Variants in RNF6 observed in about 807,000 individuals in gnomAD.
The protein encoded by RNF6 is ring finger protein 6.
A neutral mutation model predicts 50.1 loss-of-function variants in RNF6; 21 were observed. The ratio of observed to expected loss-of-function variants is 0.42; its 90% CI spans 0.30 to 0.60. The LOEUF (loss-of-function observed/expected upper bound fraction) is 0.60. Among genes scored for constraint, RNF6 ranks in the 20% least tolerant of loss-of-function variants. The pLI, the probability that RNF6 is intolerant of heterozygous loss-of-function variation, is 0.20. For missense variants in RNF6, 698 were observed against 838.2 expected (o/e 0.83, Z 2.07); for synonymous variants, 255 against 291.8 (o/e 0.87, Z 1.29).
chr13:26,153,360 T>C (rs1374368387), intron 5 of RNF6, among the ~76,000 whole-genome samples: 1 of 151,992 alleles, frequency 6.6e-6, no homozygotes, highest in African/African-American at 2.4e-5. Flanking sequence ...ATTACAGGCA[T>C]GCACCACCAC....
intron 5 of RNF6, among the ~76,000 whole-genome samples, chr13:26,198,965 G>A (rs1004242656): frequency 1.3e-5 from 2 of 151,890 alleles, no homozygotes; most frequent in African/African-American, 4.9e-5. Flanking sequence ...TCACTGCTTA[G>A]AGAAATTTAA....
At chr13:26,193,430 A>G (rs1447033118) in intron 5 of RNF6, among the ~76,000 whole-genome samples, 1 of 152,238 alleles carries the variant, frequency 6.6e-6, no homozygotes, top group Non-Finnish European at 1.5e-5. Flanking sequence ...TCATGATGGT[A>G]GGTCAATTAA....
rs763773171 is a variant in RNF6, at chr13:26,219,638, A to C, written c.12T>G (p.Ser4=). The change falls in exon 3 of 5, where the codon TCT becomes TCG. Residue 4 remains serine (S), a synonymous_variant. Transcript: ENST00000381588. ...CACTGCCACCATCTGATCTCGATCT[A>C]GACTGATTCATCCTGAGATTCCTGG... The part of the protein sequence containing the change: MNQ[S]RSRSDGGSEE... The C allele has an allele frequency of 7.4e-6, 12 of 1,613,096 alleles. No homozygotes were observed. The Admixed American group carries it at 1.8e-4, about 25-fold the overall frequency.
chr13:26,167,543 A>G (rs1178879247), intron 5 of RNF6, among the ~76,000 whole-genome samples: 3 of 152,234 alleles, frequency 2.0e-5, no homozygotes, highest in African/African-American at 7.2e-5. Context: ...TAAAAAGTCA[A>G]AAAATAGCAG....
chr13:26,173,784 C>G (rs978464753), intron 5 of RNF6, among the ~76,000 whole-genome samples: 10 of 151,780 alleles, frequency 6.6e-5, no homozygotes, highest in African/African-American at 2.4e-4. Context: ...AACCCCGGCT[C>G]TACTAAAAAT....
At chr13:26,151,290 T>C (rs967166432) in intron 5 of RNF6, among the ~76,000 whole-genome samples, 1 of 151,910 alleles carries the variant, frequency 6.6e-6, no homozygotes, top group Non-Finnish European at 1.5e-5. Flanking sequence ...TGAGACAGAA[T>C]TTCATTCCGT....
intron 5 of RNF6, among the ~76,000 whole-genome samples, chr13:26,136,778 G>T (rs1870666080): frequency 2.6e-5 from 4 of 152,106 alleles, no homozygotes; most frequent in Admixed American, 2.6e-4. Context: ...GGAGGCCAGT[G>T]ATATGATAAA....
chr13:26,186,574 A>G (rs1873544437), intron 5 of RNF6, among the ~76,000 whole-genome samples: 2 of 152,212 alleles, frequency 1.3e-5, no homozygotes, highest in African/African-American at 4.8e-5. Flanking sequence ...GCACACCGCC[A>G]GCGCGGACCC....
chr13:26,162,624 T>C (rs1243107700), intron 5 of RNF6, among the ~76,000 whole-genome samples: 2 of 152,246 alleles, frequency 1.3e-5, no homozygotes, highest in African/African-American at 4.8e-5. Context: ...GAGAATACTA[T>C]TTCCTATGAG....
chr13:26,143,167 A>G (rs565729417), intron 5 of RNF6, among the ~76,000 whole-genome samples: 5 of 152,288 alleles, frequency 3.3e-5, no homozygotes, highest in African/African-American at 1.2e-4. Flanking sequence ...TTCTTAAAGG[A>G]TCTGGGACAT....
chr13:26,135,960 G>C (rs943108804), intron 5 of RNF6, among the ~76,000 whole-genome samples: 3 of 152,086 alleles, frequency 2.0e-5, no homozygotes, highest in African/African-American at 7.2e-5. Context: ...AAGTTTCCAG[G>C]GGCCTTCACC....
At chr13:26,148,196 AACTC>A (rs1871352435) in intron 5 of RNF6, among the ~76,000 whole-genome samples, 1 of 152,120 alleles carries the variant, frequency 6.6e-6, no homozygotes, top group African/African-American at 2.4e-5. Context: ...CTCTCCTGAG[AACTC>A]ACTCACTATC....
downstream of RNF6, among the ~76,000 whole-genome samples, chr13:26,208,922 TAG>T (rs1869210225): frequency 6.6e-6 from 1 of 152,182 alleles, no homozygotes; most frequent in Non-Finnish European, 1.5e-5. Context: ...GGCTAAGAGT[TAG>T]AGTCATAGAA....
chr13:26,195,531 C>T (rs1238424414), intron 5 of RNF6, among the ~76,000 whole-genome samples: 1 of 152,136 alleles, frequency 6.6e-6, no homozygotes, highest in East Asian at 1.9e-4. Flanking sequence ...CAAACCACAG[C>T]TCCTGGAATC....
intron 4 of RNF6, 82 bp downstream of exon 4, chr13:26,218,429 A>T: frequency 9.4e-7 from 1 of 1,063,198 alleles, no homozygotes; most frequent in Non-Finnish European, 1.4e-6. Flanking sequence ...TTGAAGACAA[A>T]CATACTATAC....
At chr13:26,206,903 G>A (rs1303763916) in intron 5 of RNF6, among the ~76,000 whole-genome samples, 1 of 145,778 alleles carries the variant, frequency 6.9e-6, no homozygotes, top group Non-Finnish European at 1.5e-5. Flanking sequence ...CCCTTCATGG[G>A]CCCCTTCCTC....
chr13:26,198,545 A>T (rs1304503446), intron 5 of RNF6, among the ~76,000 whole-genome samples: 1 of 151,952 alleles, frequency 6.6e-6, no homozygotes, highest in Non-Finnish European at 1.5e-5. Flanking sequence ...TAGAGCTAAC[A>T]TACTTAATAG....
At chr13:26,218,730 G>T in intron 3 of RNF6, 124 bp from the exon 4 acceptor site, 2 of 650,552 alleles carry the variant, frequency 3.1e-6, no homozygotes, top group Non-Finnish European at 5.3e-6. Flanking sequence ...CATATGTTCT[G>T]TAAATTGAAG....
upstream of RNF6, chr13:26,222,548 A>G: frequency 6.6e-6 from 1 of 152,334 alleles, no homozygotes; most frequent in Non-Finnish European, 1.5e-5. Flanking sequence ...CCAACGGTGT[A>G]TGCGTCTCTT....
Sources: allele counts gnomAD v4.1 joint callset (sites outside exome capture counted in the v4.1 genomes callset), GRCh38; gene constraint gnomAD v4.1.1; transcripts MANE v1.5; gene names NCBI Gene and HGNC (gene_info 2026-07-23, HGNC 2026-07-21).